Variants in RASAL1 observed in about 807,000 individuals in gnomAD.
RASAL1 encodes the protein RAS protein activator like 1, also known as rasGAP-activating-like protein 1.
Under a neutral mutation model 96.6 loss-of-function variants are expected in RASAL1, and 72 were observed. The observed-to-expected ratio is 0.75, with a 90% confidence interval of 0.62 to 0.91. The LOEUF (loss-of-function observed/expected upper bound fraction) is 0.91. Ranked by LOEUF, RASAL1 falls within the 40% of genes least tolerant of loss-of-function variation. The pLI, the probability that RASAL1 is intolerant of heterozygous loss-of-function variation, is 0.00. For missense variants in RASAL1, 1,016 were observed against 1,072.5 expected (o/e 0.95, Z 0.74); for synonymous variants, 405 against 430.4 (o/e 0.94, Z 0.73).
Position 113,114,763 on chromosome 12 carries a change from G to A in RASAL1, c.1181+37C>T, listed in dbSNP as rs775212975. The A allele has an allele frequency of 6.7e-5, 104 of 1,563,288 alleles. 1 individual carries two copies. The South Asian group carries it at 1.1e-3, about 17-fold the overall frequency. ...GACAAGGCTCCGGGTAGCCAAAGGGGCCCGTCGGAAGGTCAGGGTCCTCAG... is the reference window on the plus strand; with the variant it reads ...GACAAGGCTCCGGGTAGCCAAAGGGACCCGTCGGAAGGTCAGGGTCCTCAG... On this transcript the variant is annotated intron_variant, in intron 12 of 20. Coordinates refer to ENST00000548055, the MANE Select transcript of RASAL1 (RefSeq NM_001301202.2).
chr12:113,105,155 G>A (rs73207009), intron 16 of RASAL1, among the ~76,000 whole-genome samples: 16,393 of 152,198 alleles, frequency 0.11, 1,097 homozygotes, highest in Middle Eastern at 0.19. Flanking sequence ...CTCCCCATTC[G>A]GGAGATTCCA....
chr12:113,102,760 C>T (rs964552783), intron 18 of RASAL1, among the ~76,000 whole-genome samples: 3 of 152,086 alleles, frequency 2.0e-5, no homozygotes, highest in Admixed American at 6.6e-5. Flanking sequence ...TTGAATCTTA[C>T]ATCCTCCACT....
chr12:113,119,237 G>C lies in RASAL1; in HGVS notation c.533C>G (p.Pro178Arg). 6.2e-7 allele frequency: 1 copy of C among 1,613,572 alleles called. No individual in the cohort carries two copies. The highest frequency in any genetic ancestry group is 8.5e-7 in the Non-Finnish European group (1 of 1,179,526). Residue 178 changes from proline (P) to arginine (R), a missense_variant, in exon 7 of 21, where the codon CCG becomes CGG. Transcript: ENST00000548055. ...ETSTIKKTRFPHWDEVLELRE... is the reference protein window; with the variant it reads ...ETSTIKKTRFRHWDEVLELRE... ...CAGCTCCAGCACTTCATCCCAGTGC[G>C]GGAAGCGAGTCTTCTTGATGGTCTG...
At chr12:113,114,165 T>C (rs1950973830) in intron 12 of RASAL1, among the ~76,000 whole-genome samples, 1 of 152,082 alleles carries the variant, frequency 6.6e-6, no homozygotes, top group African/African-American at 2.4e-5. Flanking sequence ...ATATTTTAGG[T>C]TTTTTAATTT....
chr12:113,107,168 G>A lies in RASAL1; in HGVS notation c.1586C>T (p.Pro529Leu). Residue 529 changes from proline (P) to leucine (L), a missense_variant, in exon 15 of 21, where the codon CCC becomes CTC. Coordinates refer to ENST00000548055, the MANE Select transcript of RASAL1 (RefSeq NM_001301202.2). Reference protein sequence around the residue: ...GKELWMAPLHPFLLQCVSRVR... With the variant: ...GKELWMAPLHLFLLQCVSRVR... Reference sequence around the variant, plus strand: ...ACGTGAGACACACTGCAGCAGGAAGGGGTGCAGGGGGGCCATCCACAGTTC... The same window carrying A: ...ACGTGAGACACACTGCAGCAGGAAGAGGTGCAGGGGGGCCATCCACAGTTC... The A allele has an allele frequency of 3.1e-6, 5 of 1,613,862 alleles. No individual in the cohort carries two copies. Among genetic ancestry groups the A allele is most frequent in the Non-Finnish European group, 4.2e-6 (5 of 1,179,832 alleles).
Position 113,130,907 on chromosome 12 carries a change from C to T in RASAL1, c.100G>A (p.Val34Met). 1.2e-6 allele frequency: 2 copies of T among 1,613,764 alleles called. No individual in the cohort carries two copies. The highest frequency in any genetic ancestry group is 1.7e-6 in the Non-Finnish European group (2 of 1,179,854). The part of the protein sequence containing the change: ...GSSDPYCLVK[V>M]DDEVVARTAT... ...CACCTGGCCACCACCTCGTCGTCCA[C>T]TTTCACTAGGCAGTAGGGGTCGCTG... Residue 34 changes from valine to methionine, a missense_variant, in exon 2 of 21, where the codon GTG (valine) becomes ATG (methionine). By Grantham distance (21) the Val-to-Met change is conservative (BLOSUM62 1). Transcript: ENST00000548055. This position sits in a 1 kb window ranked among gnomAD's most constrained non-coding sequence, Gnocchi z 5.1.
chr12:113,114,986 G>T, intron 11 of RASAL1, 74 bp from the exon 12 acceptor site: 1 of 1,275,238 alleles, frequency 7.8e-7, no homozygotes, highest in Non-Finnish European at 1.1e-6. Context: ...GGGCGCAGGG[G>T]GGACCATGCA....
rs554894909 is a variant in RASAL1 at position 113,104,743 on chromosome 12, C to G, written c.1831-445G>C. On this transcript the variant is annotated intron_variant, in intron 16 of 20. Coordinates refer to ENST00000548055, the MANE Select transcript of RASAL1 (RefSeq NM_001301202.2). ...TCTCGAACTCCTGGCCTCAAGTGAT[C>G]TGCCCACCCCGGCCTCCCAAAGTGC... 2.3e-4 allele frequency among the ~76,000 whole-genome samples: 35 copies of G among 152,236 alleles called. No homozygotes were observed. The South Asian group carries it at 5.6e-3, about 24-fold the overall frequency.
chr12:113,124,951 A>T (rs934484447), intron 4 of RASAL1, among the ~76,000 whole-genome samples: 1 of 152,186 alleles, frequency 6.6e-6, no homozygotes, highest in Non-Finnish European at 1.5e-5. Flanking sequence ...TCAAAGACTT[A>T]AATGTGTTTT....
At chr12:113,128,377 C>T (rs949403672) in intron 2 of RASAL1, among the ~76,000 whole-genome samples, 199 bp from the exon 3 acceptor site, 3 of 150,994 alleles carry the variant, frequency 2.0e-5, no homozygotes. Flanking sequence ...ACTCCAAGAT[C>T]CTAGATATGT....
chr12:113,128,860 G>A (rs966355007), intron 2 of RASAL1, among the ~76,000 whole-genome samples: 8 of 151,380 alleles, frequency 5.3e-5, no homozygotes, highest in Admixed American at 2.0e-4. Flanking sequence ...GACATATGTC[G>A]GGAACACAGA....
chr12:113,103,656 C>A, intron 18 of RASAL1: 1 of 507,800 alleles, frequency 2.0e-6, no homozygotes. Context: ...TGAGAACAAG[C>A]TCATGATGTT....
chr12:113,105,916 A>C, intron 15 of RASAL1, 30 bp from the exon 16 acceptor site: 1 of 1,594,008 alleles, frequency 6.3e-7, no homozygotes, highest in South Asian at 1.1e-5. Flanking sequence ...AGCGGTGGAC[A>C]GTGAGCCCTC....
At chr12:113,127,915 CT>C (rs755400657) in intron 3 of RASAL1, 42 bp from the exon 4 acceptor site, 1 of 1,604,382 alleles carries the variant, frequency 6.2e-7, no homozygotes, top group South Asian at 1.1e-5. Flanking sequence ...TCAGGGGCCC[CT>C]TTGCCCCGCC....
chr12:113,127,735 G>A lies in RASAL1; in HGVS notation c.298+77C>T, dbSNP rs116782043. ...TCCACTGAAGGCTCTGTGCTTCACCGTGCCATGTGCTATGCCCCTGCAAAT... is the reference window on the plus strand; with the variant it reads ...TCCACTGAAGGCTCTGTGCTTCACCATGCCATGTGCTATGCCCCTGCAAAT... On this transcript the variant is annotated intron_variant, in intron 4 of 20. Transcript: ENST00000548055. The A allele has an allele frequency of 3.1e-3, 3,875 of 1,233,520 alleles. 71 individuals are homozygous for A. The African/African-American group carries it at 0.047, about 15-fold the overall frequency. 76.4% of individuals were successfully genotyped at this position (1,233,520 alleles called of 1,614,324 possible). A position where few individuals can be genotyped will look rare whatever the true frequency, so the allele number is the denominator to read the frequency against.
chr12:113,108,124 C>T lies in RASAL1; in HGVS notation c.1473G>A (p.Ala491=), dbSNP rs201065218. ...PKLFDLRDQH[A]DPQTSRSLLL... The stretch of plus-strand genomic sequence containing the variant: ...GCAGTGAGCGGCTAGTCTGGGGGTC[C>T]GCGTGTTGGTCCCGAAGGTCAAACA... The change falls in exon 14 of 21, where the codon GCG becomes GCA. Residue 491 remains alanine (A), a synonymous_variant. Coordinates refer to ENST00000548055, the MANE Select transcript of RASAL1 (RefSeq NM_001301202.2). The T allele has an allele frequency of 9.2e-5, 148 of 1,613,588 alleles. No homozygotes were observed. The South Asian group carries it at 1.2e-3, about 13-fold the overall frequency.
rs751341735 is a variant in RASAL1, at chr12:113,101,902, G to C, written c.2212C>G (p.Arg738Gly). ...GGGGGCACCCACCTGAGCTGGTCCC[G>C]CCCCAGGAGCAGCTGCCGATACACT... ...QTVYRQLLLG[R>G]DQLRLKLLED... Residue 738 changes from arginine to glycine, a missense_variant, in exon 19 of 21, where the codon CGG becomes GGG. Transcript: ENST00000548055. The C allele has an allele frequency of 4.3e-5, 69 of 1,613,448 alleles. No individual in the cohort carries two copies. Among genetic ancestry groups the C allele is most frequent in the Non-Finnish European group, 5.0e-5 (59 of 1,179,784 alleles).
At chr12:113,123,585 G>A (rs1459578143) in intron 4 of RASAL1, among the ~76,000 whole-genome samples, 1 of 152,094 alleles carries the variant, frequency 6.6e-6, no homozygotes, top group Non-Finnish European at 1.5e-5. Context: ...TTTAGCTAAT[G>A]GTTTTTGTTT....
intron 4 of RASAL1, among the ~76,000 whole-genome samples, chr12:113,123,486 T>C (rs1012611945): frequency 1.3e-5 from 2 of 152,238 alleles, no homozygotes. Flanking sequence ...TTTTAGTCTC[T>C]TTGTTGAGTG....
Sources: allele counts gnomAD v4.1 joint callset (sites outside exome capture counted in the v4.1 genomes callset), GRCh38; gene constraint gnomAD v4.1.1; non-coding constraint Gnocchi (gnomAD v3.1); transcripts MANE v1.5; gene names NCBI Gene and HGNC (gene_info 2026-07-23, HGNC 2026-07-21).